The following CDON variants were observed in gnomAD, a reference collection of about 807,000 sequenced individuals.
The protein encoded by CDON is cell adhesion molecule-related/down-regulated by oncogenes.
Under a neutral mutation model 120.9 loss-of-function variants are expected in CDON, and 73 were observed. That is an observed-to-expected ratio of 0.60 (90% CI 0.50 to 0.73). The LOEUF (loss-of-function observed/expected upper bound fraction) is 0.73, where lower values mean the gene tolerates loss of function less well. CDON is among the 30% of genes least tolerant of loss of function. CDON has a pLI of 0.00. For synonymous variants in CDON, 566 were observed against 573.5 expected (o/e 0.99, Z 0.19); for missense variants, 1,470 against 1,587.3 (o/e 0.93, Z 1.26).
At chr11:126,043,466 G>A (rs1948321311) in intron 1 of CDON, among the ~76,000 whole-genome samples, 3 of 152,058 alleles carry the variant, frequency 2.0e-5, no homozygotes, top group Admixed American at 6.6e-5. Context: ...TTTGCTGGGC[G>A]TTTTGTCCAA....
intron 16 of CDON, among the ~76,000 whole-genome samples, chr11:125,982,531 C>A (rs1398794808): frequency 6.6e-6 from 1 of 152,116 alleles, no homozygotes; most frequent in Admixed American, 6.5e-5. Flanking sequence ...CTCAGTACAC[C>A]TGCTTGTGGT....
intron 15 of CDON, among the ~76,000 whole-genome samples, chr11:125,985,359 T>G (rs1317576437): frequency 1.3e-5 from 2 of 152,164 alleles, no homozygotes; most frequent in African/African-American, 4.8e-5. Context: ...ATATTTTTAG[T>G]ACAGACAGGG....
chr11:125,993,046 G>A (rs1335029665), intron 14 of CDON, among the ~76,000 whole-genome samples: 2 of 152,124 alleles, frequency 1.3e-5, no homozygotes, highest in East Asian at 1.9e-4. Flanking sequence ...GAAATGCTAC[G>A]TCAGAAAGTT....
At position 126,010,429 on chromosome 11, in the gene CDON, C is replaced by A. The variant is rs754643422; in HGVS notation, c.1464G>T (p.Gln488His). Residue 488 changes from glutamine (Q) to histidine (H), a missense_variant, in exon 8 of 20, where the codon CAG becomes CAT. By Grantham distance (24) the Gln-to-His change is conservative. Transcript: ENST00000531738. ...SQAGASSLHI[Q>H]AVTQEHAGKY... is the part of the protein sequence containing the mutation. ...TCCCCGCATGTTCCTGAGTCACAGCCTGAATATGGAGAGAGCTTGCACCAG... is the reference window on the plus strand; with the variant it reads ...TCCCCGCATGTTCCTGAGTCACAGCATGAATATGGAGAGAGCTTGCACCAG... The A allele has an allele frequency of 1.3e-5, 21 of 1,613,978 alleles. No homozygotes were observed. Among genetic ancestry groups the A allele is most frequent in the Non-Finnish European group, 1.8e-5 (21 of 1,180,004 alleles).
chr11:125,999,468 C>T (rs1440690326), intron 11 of CDON, among the ~76,000 whole-genome samples: 2 of 152,150 alleles, frequency 1.3e-5, no homozygotes, highest in African/African-American at 4.8e-5. Context: ...TGTCAGTTTC[C>T]TAATCTGTAA....
At chr11:126,019,901 G>T in intron 3 of CDON, 136 bp from the exon 4 acceptor site, 1 of 747,278 alleles carries the variant, frequency 1.3e-6, no homozygotes, top group Non-Finnish European at 2.2e-6. Flanking sequence ...AGGGCTGCAT[G>T]ATCTTTTCAT....
chr11:126,010,950 T>A, intron 7 of CDON: 1 of 528,688 alleles, frequency 1.9e-6, no homozygotes, highest in Non-Finnish European at 3.6e-6. Context: ...TATAAAGAAA[T>A]CTTTTGAGAG....
chr11:125,977,670 G>A lies in CDON; in HGVS notation c.3356+634C>T, dbSNP rs75734189. 2.0e-5 allele frequency among the ~76,000 whole-genome samples: 3 copies of A among 152,286 alleles called. No homozygotes were observed. In the East Asian group the frequency reaches 5.8e-4, roughly 29 times the overall value. On this transcript the variant is annotated intron_variant, in intron 18 of 19. Transcript: ENST00000531738. ...TGGTAATCCTTGGGATTACCATAGA[G>A]AGAGGTCGTAGGAAAGTGTGCCGAG...
rs1945552063 is a variant in CDON at position 125,958,588 on chromosome 11, TG to T, written c.*2353del. 3 of 149,876 alleles carry T rather than the reference TG, an allele frequency of 2.0e-5. No homozygotes were observed. The highest frequency in any genetic ancestry group is 3.0e-5 in the Non-Finnish European group (2 of 67,538). 9.3% of individuals were successfully genotyped at this position (149,876 alleles called of 1,614,324 possible). ...ATATGTGTGTGTGTGTGTGTGTGTG[TG>T]TGTTTATATATATATATTTATATAT... On this transcript the variant is annotated 3_prime_UTR_variant, in exon 20 of 20. Transcript: ENST00000531738.
At chr11:126,062,181 T>C (rs967101058) in intron 1 of CDON, among the ~76,000 whole-genome samples, 3 of 152,208 alleles carry the variant, frequency 2.0e-5, no homozygotes, top group Non-Finnish European at 2.9e-5. Context: ...CATAAATCAC[T>C]GTCTCTCGCG....
At chr11:125,983,462 A>C (rs1248024632) in intron 16 of CDON, among the ~76,000 whole-genome samples, 2 of 152,174 alleles carry the variant, frequency 1.3e-5, no homozygotes. Context: ...TGACTTAGAC[A>C]AGTTTTCACT....
At chr11:126,058,366 T>C (rs1412014264) in intron 1 of CDON, among the ~76,000 whole-genome samples, 2 of 152,212 alleles carry the variant, frequency 1.3e-5, no homozygotes, top group South Asian at 2.1e-4. Flanking sequence ...CAGCTGTGAA[T>C]GCGGACAGGC....
At chr11:125,977,251 C>A (rs973992330) in intron 18 of CDON, among the ~76,000 whole-genome samples, 1 of 152,180 alleles carries the variant, frequency 6.6e-6, no homozygotes, top group South Asian at 2.1e-4. Flanking sequence ...TTTATAGACA[C>A]CCTGAAATGG....
intron 7 of CDON, among the ~76,000 whole-genome samples, chr11:126,013,499 C>G (rs1195666325): frequency 2.0e-5 from 3 of 152,166 alleles, no homozygotes; most frequent in African/African-American, 7.2e-5. Context: ...TAGGACTATT[C>G]AAGCTTATTT....
intron 12 of CDON, 30 bp downstream of exon 12, chr11:125,997,177 T>C (rs750587417): frequency 2.7e-6 from 4 of 1,478,610 alleles, no homozygotes; most frequent in African/African-American, 1.4e-5. Context: ...TTCACATCGA[T>C]GGTAAAAGGA....
intron 16 of CDON, 96 bp downstream of exon 16, chr11:125,983,776 C>T (rs1020080643): frequency 7.8e-6 from 7 of 897,396 alleles, no homozygotes; most frequent in Admixed American, 4.0e-5. Context: ...TACCATGACA[C>T]TAATATACAA....
chr11:126,003,115 T>C (rs1947003238), intron 10 of CDON, among the ~76,000 whole-genome samples: 1 of 152,178 alleles, frequency 6.6e-6, no homozygotes, highest in African/African-American at 2.4e-5. Context: ...CCCTAACTTA[T>C]ATCTCTGTTA....
At chr11:125,996,462 GC>G (rs1299506896) in intron 12 of CDON, among the ~76,000 whole-genome samples, 2 of 151,988 alleles carry the variant, frequency 1.3e-5, no homozygotes, top group African/African-American at 2.4e-5. Context: ...ACTTTGGGAG[GC>G]TGAGGCAGGC....
intron 11 of CDON, among the ~76,000 whole-genome samples, chr11:125,997,931 A>G (rs1946835377): frequency 6.6e-6 from 1 of 152,216 alleles, no homozygotes; most frequent in South Asian, 2.1e-4. Flanking sequence ...TGGCAAAGAG[A>G]GATAAAATCT....
Sources: gnomAD v4.1 joint callset for allele counts (sites outside exome capture counted in the v4.1 genomes callset) on GRCh38, gnomAD v4.1.1 for gene constraint, MANE v1.5 for transcripts, NCBI Gene and HGNC (gene_info 2026-07-23, HGNC 2026-07-21) for gene names.